The following LIG1 variants were observed in gnomAD, a reference collection of about 807,000 sequenced individuals.
LIG1 encodes the protein ligase I, DNA, ATP-dependent.
Under a neutral mutation model 115.7 loss-of-function variants are expected in LIG1, and 70 were observed. The observed-to-expected ratio is 0.60, with a 90% CI of 0.50 to 0.74. LIG1 has a LOEUF of 0.74. Among genes scored for constraint, LIG1 ranks in the 30% least tolerant of loss-of-function variants. LIG1 has a pLI of 0.00. For synonymous variants in LIG1, 487 were observed against 495.3 expected (o/e 0.98, Z 0.22); for missense variants, 1,115 against 1,225.6 (o/e 0.91, Z 1.35).
chr19:48,149,560 A>G (rs1014176212), intron 9 of LIG1, among the ~76,000 whole-genome samples: 3 of 152,194 alleles, frequency 2.0e-5, no homozygotes, highest in African/African-American at 7.2e-5. Flanking sequence ...GACCGTTTCT[A>G]CAGGTTCTGG....
chr19:48,147,950 C>T (rs925027866), intron 9 of LIG1, among the ~76,000 whole-genome samples: 5 of 152,190 alleles, frequency 3.3e-5, no homozygotes, highest in African/African-American at 1.2e-4. Context: ...CTCCCACAGC[C>T]CTGGCTCTGT....
chr19:48,162,434 T>A, intron 2 of LIG1, 83 bp from the exon 3 acceptor site: 14 of 170,840 alleles, frequency 8.2e-5, no homozygotes, highest in Non-Finnish European at 1.3e-4. Flanking sequence ...TATAACTTCC[T>A]TTTTTTTTTT....
rs766751568 is a variant in LIG1, at chr19:48,153,965, G to C, written c.373C>G (p.Arg125Gly). ...PSGIPKRRTARKQLPKRTIQE... is the reference protein window; with the variant it reads ...PSGIPKRRTAGKQLPKRTIQE... ...ATGGTCCGTTTCGGGAGCTGCTTCCGAGCTGGGGAGGCAAAGGGCTTGGTG... is the reference window on the plus strand; with the variant it reads ...ATGGTCCGTTTCGGGAGCTGCTTCCCAGCTGGGGAGGCAAAGGGCTTGGTG... Residue 125 changes from arginine (R) to glycine (G), a missense_variant and splice_region_variant, in exon 6 of 28, where the codon CGG (arginine) becomes GGG (glycine). Coordinates refer to ENST00000263274, the MANE Select transcript of LIG1 (RefSeq NM_000234.3). The C allele has an allele frequency of 6.2e-7, 1 of 1,613,606 alleles. No homozygotes were observed. Among genetic ancestry groups the C allele is most frequent in the Non-Finnish European group, 8.5e-7 (1 of 1,179,770 alleles).
chr19:48,115,998 A>G, intron 26 of LIG1, 33 bp from the exon 27 acceptor site: 1 of 1,539,700 alleles, frequency 6.5e-7, no homozygotes, highest in East Asian at 2.3e-5. Flanking sequence ...CCTGCGGTCC[A>G]GCCCCAGCGA....
At position 48,165,554 on chromosome 19, in the gene LIG1, T is replaced by C. The variant is rs567074372; in HGVS notation, c.13A>G (p.Ile5Val). ...GGGGCAAGGGAGGGTGCTCACATGA[T>C]ACTTCGCTGCATGTTGGCGTCAGAA... is the stretch of plus-strand genomic sequence containing the variant. MQRS[I>V]MSFFHPKKEG... The change falls in exon 2 of 28, where the codon ATC becomes GTC. Residue 5 changes from isoleucine to valine, a missense_variant. Physicochemically the swap from Ile to Val is conservative, Grantham distance 29 (BLOSUM62 3). Transcript: ENST00000263274. 1.9e-6 allele frequency: 3 copies of C among 1,612,034 alleles called. No individual in the cohort carries two copies. Among genetic ancestry groups the C allele is most frequent in the Admixed American group, 1.7e-5 (1 of 60,008 alleles).
rs867768703 is a variant in LIG1, at chr19:48,153,690, A to C, written c.466+182T>G. On this transcript the variant is annotated intron_variant, in intron 6 of 27. Coordinates refer to ENST00000263274, the MANE Select transcript of LIG1 (RefSeq NM_000234.3). ...CACACACACACACACACACACACAC[A>C]CCTCTCCTTCTGGGGGCTCACCTTC... Among the ~76,000 whole-genome samples the C allele has an allele frequency of 8.0e-4, 50 of 62,494 alleles. 2 individuals are homozygous for C. Among genetic ancestry groups the C allele is most frequent in the African/African-American group, 3.4e-3 (43 of 12,720 alleles). The allele number at this position is 62,494 out of a possible 152,430, so 41.0% of individuals were successfully genotyped here.
chr19:48,137,703 G>A lies in LIG1; in HGVS notation c.1088-15C>T, dbSNP rs200338124. ...CAGCTGCCGACCTTCAGGGGAGAGCGCGGGTGGGGGTGTCGAGGGTGACAG... is the reference window on the plus strand; with the variant it reads ...CAGCTGCCGACCTTCAGGGGAGAGCACGGGTGGGGGTGTCGAGGGTGACAG... On this transcript the variant is annotated splice_polypyrimidine_tract_variant and intron_variant, in intron 12 of 27. Coordinates refer to ENST00000263274, the MANE Select transcript of LIG1 (RefSeq NM_000234.3). This position sits in a 1 kb window ranked among gnomAD's most constrained non-coding sequence, Gnocchi z 4.3. The A allele has an allele frequency of 2.9e-5, 46 of 1,600,922 alleles. No homozygotes were observed. The highest frequency in any genetic ancestry group is 1.5e-4 in the South Asian group (14 of 91,062).
chr19:48,136,020 C>A lies in LIG1; in HGVS notation c.1423+14G>T. 3 of 1,550,842 alleles carry A rather than the reference C, an allele frequency of 1.9e-6. No homozygotes were observed. Among genetic ancestry groups the A allele is most frequent in the Admixed American group, 1.9e-5 (1 of 52,026 alleles). On this transcript the variant is annotated intron_variant, in intron 15 of 27. Coordinates refer to ENST00000263274, the MANE Select transcript of LIG1 (RefSeq NM_000234.3). ...CTCCAGCGAGGGATGCAGAGACGGG[C>A]CACAGGAGCTCACCTTGGCCCGGGG...
At chr19:48,133,232 T>C (rs895937190) in intron 17 of LIG1, 135 bp from the exon 18 acceptor site, 23 of 684,746 alleles carry the variant, frequency 3.4e-5, no homozygotes, top group Non-Finnish European at 6.1e-5. Context: ...TCCCACGTTT[T>C]AGAAGGGGAC....
intron 12 of LIG1, among the ~76,000 whole-genome samples, chr19:48,138,841 T>C (rs1177244282): frequency 6.6e-6 from 1 of 152,186 alleles, no homozygotes; most frequent in Admixed American, 6.5e-5. Context: ...ACCGACCCCG[T>C]GTGTGCTGGG....
At chr19:48,165,712 A>AAC (rs2036445728) in intron 1 of LIG1, 89 bp from the exon 2 acceptor site, 1 of 981,512 alleles carries the variant, frequency 1.0e-6, no homozygotes, top group Non-Finnish European at 1.6e-6. Context: ...AAAGAAAGAA[A>AAC]AAAAAAAACA....
intron 4 of LIG1, among the ~76,000 whole-genome samples, chr19:48,158,124 T>C (rs1014213045): frequency 6.6e-6 from 1 of 152,234 alleles, no homozygotes; most frequent in Non-Finnish European, 1.5e-5. Context: ...CAGAAGCAGA[T>C]GCTGGCACTA....
At chr19:48,147,425 C>G (rs2035187110) in intron 9 of LIG1, 1 of 151,472 alleles carries the variant, frequency 6.6e-6, no homozygotes. Context: ...GCATGTAATT[C>G]CAGCATTCTG....
In LIG1 at chr19:48,148,390, G is replaced by A. The variant is rs188178451; in HGVS notation, c.776+1373C>T. Among the ~76,000 whole-genome samples, 22 of 151,516 alleles carry A rather than the reference G, an allele frequency of 1.5e-4. No individual in the cohort carries two copies. In the East Asian group the frequency reaches 3.5e-3, roughly 24 times the overall value. On this transcript the variant is annotated intron_variant, in intron 9 of 27. Transcript: ENST00000263274. ...CTTGGGATGTGGAGGCAGAAGAATCGCTTGAACCTGGGAAGTTGAAGGTGC... is the reference window on the plus strand; with the variant it reads ...CTTGGGATGTGGAGGCAGAAGAATCACTTGAACCTGGGAAGTTGAAGGTGC...
intron 9 of LIG1, among the ~76,000 whole-genome samples, chr19:48,148,491 AGC>A: frequency 6.8e-6 from 1 of 147,052 alleles, no homozygotes; most frequent in African/African-American, 2.6e-5. Context: ...AAAAAAAAAA[AGC>A]AGGGAGGAAT....
At chr19:48,161,325 G>T in intron 4 of LIG1, 47 bp downstream of exon 4, 7 of 1,613,194 alleles carry the variant, frequency 4.3e-6, no homozygotes, top group Non-Finnish European at 5.1e-6. Context: ...AAGGTTAATG[G>T]GAATTAGTTT....
intron 6 of LIG1, among the ~76,000 whole-genome samples, chr19:48,152,127 A>T (rs2035515940): frequency 6.6e-6 from 1 of 151,976 alleles, no homozygotes; most frequent in Non-Finnish European, 1.5e-5. Flanking sequence ...TAAGAAATCA[A>T]ATCTTTTTTT....
At position 48,142,442 on chromosome 19, in the gene LIG1, C is replaced by CAAAAAAAAA. The variant is rs561137392; in HGVS notation, c.914+1092_914+1100dup. Among the ~76,000 whole-genome samples, 273 of 75,576 alleles carry CAAAAAAAAA rather than the reference C, an allele frequency of 3.6e-3. 23 individuals carry two copies. Among genetic ancestry groups the CAAAAAAAAA allele is most frequent in the African/African-American group, 0.013 (257 of 20,360 alleles). 49.6% of individuals were successfully genotyped at this position (75,576 alleles called of 152,430 possible). On this transcript the variant is annotated intron_variant, in intron 11 of 27. Coordinates refer to ENST00000263274, the MANE Select transcript of LIG1 (RefSeq NM_000234.3). ...TGGGCAACAGAGCAAGACTCCATCTCAAAAAAAAAAAAAAACAGAGTGCTG... is the reference window on the plus strand; with the variant it reads ...TGGGCAACAGAGCAAGACTCCATCTCAAAAAAAAAAAAAAAAAAAAAAAACAGAGTGCTG...
chr19:48,127,984 T>G lies in LIG1; in HGVS notation c.1858A>C (p.Thr620Pro). 8 of 1,614,032 alleles carry G rather than the reference T, an allele frequency of 5.0e-6. No individual in the cohort carries two copies. The highest frequency in any genetic ancestry group is 6.8e-6 in the Non-Finnish European group (8 of 1,180,000). ...TCCCGGTCCCAAGCCACGGCTTCGG[T>G]GTCCAGGATGAAGGATGTGACCGAT... Reference protein sequence around the residue: ...LPSVTSFILDTEAVAWDREKK... With the variant: ...LPSVTSFILDPEAVAWDREKK... Residue 620 changes from threonine (T) to proline (P), a missense_variant, in exon 20 of 28, where the codon ACC (threonine) becomes CCC (proline). Coordinates refer to ENST00000263274, the MANE Select transcript of LIG1 (RefSeq NM_000234.3).
Sources: gnomAD v4.1 joint callset for allele counts (sites outside exome capture counted in the v4.1 genomes callset) on GRCh38, gnomAD v4.1.1 for gene constraint, Gnocchi (gnomAD v3.1) non-coding constraint, MANE v1.5 for transcripts, NCBI Gene and HGNC (gene_info 2026-07-23, HGNC 2026-07-21) for gene names.